The following MCF2L variants were observed in gnomAD, a reference collection of about 807,000 sequenced individuals.
The protein encoded by MCF2L is guanine nucleotide exchange factor DBS.
In MCF2L, 97 loss-of-function variants were observed where a neutral mutation model predicts 153.4. The ratio of observed to expected loss-of-function variants is 0.63; its 90% CI spans 0.54 to 0.75. MCF2L has a LOEUF of 0.75. MCF2L is among the 30% of genes least tolerant of loss of function. MCF2L has a pLI of 0.00. For missense variants in MCF2L, 1,347 were observed against 1,495.2 expected (o/e 0.90, Z 1.64); for synonymous variants, 659 against 632.2 (o/e 1.04, Z -0.64).
In MCF2L at chr13:113,070,898, A is replaced by G. The variant is rs1351883133; in HGVS notation, c.996+725A>G. Among the ~76,000 whole-genome samples, 1 of 152,258 alleles carries G rather than the reference A, an allele frequency of 6.6e-6. No homozygotes were observed. Among genetic ancestry groups the G allele is most frequent in the Non-Finnish European group, 1.5e-5 (1 of 68,042 alleles). ...AGATAAAGCTGTTACAAACATTGAT[A>G]TACTGATGTTGGTGTAAATGTAAGT... On this transcript the variant is annotated intron_variant, in intron 9 of 29. Coordinates refer to ENST00000535094, the MANE Select transcript of MCF2L (RefSeq NM_001112732.3). The surrounding 1 kb of genome is among the most constrained non-coding windows in gnomAD (Gnocchi z 5.6).
At chr13:113,012,975 C>T (rs1000127375) in intron 1 of MCF2L, among the ~76,000 whole-genome samples, 8 of 150,564 alleles carry the variant, frequency 5.3e-5, no homozygotes, top group South Asian at 4.2e-4. Context: ...GGTGGACAGG[C>T]GGTGTGGACG....
chr13:113,000,082 G>A (rs892785700), intron 1 of MCF2L, among the ~76,000 whole-genome samples: 22 of 152,304 alleles, frequency 1.4e-4, no homozygotes, highest in African/African-American at 2.4e-4. Flanking sequence ...TGGTGACGGC[G>A]TGAGGGGCCA....
chr13:113,076,546 T>C (rs2033498492), intron 12 of MCF2L, among the ~76,000 whole-genome samples: 1 of 152,244 alleles, frequency 6.6e-6, no homozygotes, highest in African/African-American at 2.4e-5. Context: ...ATGACAGGTG[T>C]GAGCCACCGC....
intron 2 of MCF2L, among the ~76,000 whole-genome samples, chr13:112,944,409 C>T (rs531813463): frequency 2.0e-5 from 3 of 152,054 alleles, no homozygotes; most frequent in Non-Finnish European, 4.4e-5. Context: ...GTTACTGCTC[C>T]ATCTGGCCTG....
rs150477961 is a variant in MCF2L, at chr13:112,981,269, G to A, written c.79+11811G>A. ...CCCCAAGATGTCTCCACACCATGGGGTACCACCCTGTTCCTTGTGGGAGCA... is the reference window on the plus strand; with the variant it reads ...CCCCAAGATGTCTCCACACCATGGGATACCACCCTGTTCCTTGTGGGAGCA... On this transcript the variant is annotated intron_variant, in intron 1 of 29. Coordinates refer to ENST00000535094, the MANE Select transcript of MCF2L (RefSeq NM_001112732.3). 5.7e-3 allele frequency among the ~76,000 whole-genome samples: 867 copies of A among 152,302 alleles called. 14 individuals carry two copies. The highest frequency in any genetic ancestry group is 0.02 in the African/African-American group (834 of 41,554).
intron 3 of MCF2L, among the ~76,000 whole-genome samples, chr13:113,036,806 GAC>G (rs2086185964): frequency 6.6e-6 from 1 of 152,256 alleles, no homozygotes; most frequent in Non-Finnish European, 1.5e-5. Flanking sequence ...ACTCTCAGAG[GAC>G]TCCAAGCCTC....
At chr13:112,962,546 G>A (rs1316888713) in intron 2 of MCF2L, among the ~76,000 whole-genome samples, 2 of 152,184 alleles carry the variant, frequency 1.3e-5, no homozygotes, top group African/African-American at 4.8e-5. Context: ...CCTGGCCAGT[G>A]CAGCCTTCAC....
chr13:113,038,452 G>C (rs1447630558), intron 3 of MCF2L, among the ~76,000 whole-genome samples: 1 of 131,236 alleles, frequency 7.6e-6, no homozygotes, highest in Non-Finnish European at 1.6e-5. Flanking sequence ...GTGACAGAGC[G>C]AGCCTCCATC....
intron 2 of MCF2L, among the ~76,000 whole-genome samples, chr13:113,015,935 C>T (rs571017255): frequency 1.4e-4 from 21 of 152,282 alleles, no homozygotes; most frequent in African/African-American, 3.4e-4. Context: ...GTTCCTCCTG[C>T]GTCCCCAGCC....
chr13:112,985,503 G>A, intron 1 of MCF2L: 1 of 470,410 alleles, frequency 2.1e-6, no homozygotes, highest in South Asian at 1.5e-5. Flanking sequence ...TCCCCTGTGA[G>A]TCCCTCGCAG....
upstream of MCF2L, among the ~76,000 whole-genome samples, chr13:112,966,702 C>T (rs1490480261): frequency 1.3e-5 from 2 of 152,150 alleles, no homozygotes; most frequent in Non-Finnish European, 2.9e-5. This position sits in a 1 kb window ranked among gnomAD's most constrained non-coding sequence, Gnocchi z 4.1. Flanking sequence ...AAGCCAATAG[C>T]ATGTGTGGAG....
chr13:112,985,690 T>A (rs1036764488), intron 1 of MCF2L, among the ~76,000 whole-genome samples: 1 of 152,170 alleles, frequency 6.6e-6, no homozygotes, highest in Non-Finnish European at 1.5e-5. Context: ...CTGATCCTAA[T>A]TTATGTCACA....
At chr13:113,044,553 T>C in intron 3 of MCF2L, 1 of 1,455,716 alleles carries the variant, frequency 6.9e-7, no homozygotes, top group East Asian at 2.5e-5. Flanking sequence ...TGTTTCTGCT[T>C]TGGATTGGCT....
chr13:113,018,791 G>A (rs1335658588), intron 2 of MCF2L, among the ~76,000 whole-genome samples: 1 of 152,218 alleles, frequency 6.6e-6, no homozygotes, highest in East Asian at 1.9e-4. Context: ...GCCCTGCCCG[G>A]AACGCAGAGG....
intron 17 of MCF2L, 121 bp downstream of exon 17, chr13:113,082,663 A>G: frequency 1.4e-6 from 1 of 706,668 alleles, no homozygotes; most frequent in East Asian, 2.8e-5. Flanking sequence ...GGGGCGCCCA[A>G]GGGGTGGACT....
chr13:113,097,015 G>C lies in MCF2L; in HGVS notation c.*156G>C. On this transcript the variant is annotated 3_prime_UTR_variant, in exon 30 of 30. Transcript: ENST00000535094. ...AGAGGACCCCTCCGGGGCAGAGGCAGGTTCCACGGAAGACCCCGGCCCGCT... is the reference window on the plus strand; with the variant it reads ...AGAGGACCCCTCCGGGGCAGAGGCACGTTCCACGGAAGACCCCGGCCCGCT... 2.2e-6 allele frequency: 1 copy of C among 457,896 alleles called. No homozygotes were observed. Among genetic ancestry groups the C allele is most frequent in the Non-Finnish European group, 3.5e-6 (1 of 281,952 alleles). The allele number at this position is 457,896 out of a possible 1,614,324, so 28.4% of individuals were successfully genotyped here.
intron 2 of MCF2L, among the ~76,000 whole-genome samples, chr13:112,905,457 A>C (rs779208090): frequency 1.3e-5 from 2 of 152,172 alleles, no homozygotes; most frequent in African/African-American, 2.4e-5. Flanking sequence ...GAACGGCACG[A>C]AGTTTGTTTA....
At chr13:112,980,745 G>A (rs2082389076) in intron 1 of MCF2L, among the ~76,000 whole-genome samples, 1 of 141,298 alleles carries the variant, frequency 7.1e-6, no homozygotes, top group Non-Finnish European at 1.6e-5. Context: ...CACCGTGTGG[G>A]TGCAAGTACC....
intron 1 of MCF2L, among the ~76,000 whole-genome samples, chr13:113,010,912 A>C (rs1173798321): frequency 6.6e-6 from 1 of 152,186 alleles, no homozygotes; most frequent in Non-Finnish European, 1.5e-5. Flanking sequence ...TCCTGAACTG[A>C]GTGGCCACTA....
Sources: allele counts gnomAD v4.1 joint callset (sites outside exome capture counted in the v4.1 genomes callset), GRCh38; gene constraint gnomAD v4.1.1; non-coding constraint Gnocchi (gnomAD v3.1); transcripts MANE v1.5; gene names NCBI Gene and HGNC (gene_info 2026-07-23, HGNC 2026-07-21).